Variants in NELL1 observed in about 807,000 individuals in gnomAD.
NELL1 encodes the protein neural EGFL like 1.
In NELL1, 76 loss-of-function variants were observed where a neutral mutation model predicts 107.4. The observed-to-expected ratio is 0.71, with a 90% CI of 0.59 to 0.86. The LOEUF (loss-of-function observed/expected upper bound fraction) is 0.86. Ranked by LOEUF, NELL1 falls within the 40% of genes least tolerant of loss-of-function variation. The pLI is 0.00. For synonymous variants in NELL1, 353 were observed against 341.2 expected, an observed-to-expected ratio of 1.03 and a Z score of -0.38; for missense variants, 1,024 against 1,005.5, an observed-to-expected ratio of 1.02 and a Z score of -0.25.
rs556869767 is a variant in NELL1, at chr11:20,932,069, T to C, written c.997+3590T>C. ...GGGAAGAAATTTATCTAAGCATCCA[T>C]GGCGGTACCGAAAATAGTGAGGGAG... On this transcript the variant is annotated intron_variant, in intron 9 of 19. Coordinates refer to ENST00000357134, the MANE Select transcript of NELL1 (RefSeq NM_006157.5). Among the ~76,000 whole-genome samples, 4 of 152,310 alleles carry C rather than the reference T, an allele frequency of 2.6e-5. No homozygotes were observed. The East Asian group carries it at 7.7e-4, about 29-fold the overall frequency.
At chr11:21,363,422 C>T (rs1272369212) in intron 14 of NELL1, among the ~76,000 whole-genome samples, 1 of 152,146 alleles carries the variant, frequency 6.6e-6, no homozygotes, top group Non-Finnish European at 1.5e-5. Context: ...GGTTTTTCCC[C>T]CTTTCACATT....
chr11:21,124,154 A>G (rs1855434977), intron 13 of NELL1, among the ~76,000 whole-genome samples: 1 of 152,206 alleles, frequency 6.6e-6, no homozygotes, highest in Admixed American at 6.5e-5. Context: ...AGAAAGAAAT[A>G]TAAGACAATG....
At chr11:20,804,179 T>G (rs1857335309) in intron 3 of NELL1, among the ~76,000 whole-genome samples, 1 of 152,230 alleles carries the variant, frequency 6.6e-6, no homozygotes. Context: ...ATGTAGGTTT[T>G]GGTATGCTGT....
intron 12 of NELL1, among the ~76,000 whole-genome samples, chr11:21,064,278 C>T (rs998342580): frequency 1.3e-5 from 2 of 152,032 alleles, no homozygotes; most frequent in African/African-American, 4.8e-5. Context: ...CACTAACTTC[C>T]TCTTTAATAA....
intron 14 of NELL1, among the ~76,000 whole-genome samples, chr11:21,258,286 T>C (rs773730882): frequency 3.3e-5 from 5 of 152,174 alleles, no homozygotes; most frequent in Middle Eastern, 3.4e-3. Flanking sequence ...GGATGGTGTT[T>C]GCTGAAGCAT....
At chr11:20,915,717 A>ATATATATATATATATATATATATATTT in intron 5 of NELL1, among the ~76,000 whole-genome samples, 8 of 58,214 alleles carry the variant, frequency 1.4e-4, no homozygotes, top group African/African-American at 7.1e-4. Context: ...ATATATATAT[A>ATATATATATATATATATATATATATTT]TTTTTTTTTT....
chr11:21,158,834 T>C (rs983870792), intron 13 of NELL1, among the ~76,000 whole-genome samples: 4 of 151,934 alleles, frequency 2.6e-5, no homozygotes, highest in Non-Finnish European at 5.9e-5. Flanking sequence ...CTTTCTGTTA[T>C]TTTTTTTCTC....
At chr11:21,156,784 GA>G in intron 13 of NELL1, among the ~76,000 whole-genome samples, 2 of 152,114 alleles carry the variant, frequency 1.3e-5, no homozygotes, top group Admixed American at 1.3e-4. Flanking sequence ...AAAATCATTA[GA>G]GCAGCTATTA....
intron 15 of NELL1, among the ~76,000 whole-genome samples, chr11:21,522,862 A>T (rs1188439390): frequency 1.4e-5 from 1 of 71,774 alleles, no homozygotes. Context: ...TTTTTTTGAG[A>T]CGGAGTCTCG....
intron 14 of NELL1, among the ~76,000 whole-genome samples, chr11:21,230,489 T>A (rs182243898): frequency 2.0e-4 from 30 of 152,240 alleles, no homozygotes; most frequent in Middle Eastern, 6.8e-3. Context: ...GGCACAATCA[T>A]AACGAAAAAA....
chr11:20,865,692 G>A (rs1271619754), intron 4 of NELL1, among the ~76,000 whole-genome samples: 3 of 152,170 alleles, frequency 2.0e-5, no homozygotes, highest in African/African-American at 7.2e-5. Context: ...GCCCTATTAG[G>A]TGGTTCTTTT....
chr11:21,151,445 T>G (rs1856115050), intron 13 of NELL1, among the ~76,000 whole-genome samples: 1 of 152,108 alleles, frequency 6.6e-6, no homozygotes. Context: ...TGTGTGTATT[T>G]GTGTGTGCAT....
chr11:21,326,188 C>A (rs1178248742), intron 14 of NELL1, among the ~76,000 whole-genome samples: 1 of 144,876 alleles, frequency 6.9e-6, no homozygotes, highest in Non-Finnish European at 1.5e-5. Flanking sequence ...CCACTTATTC[C>A]TTGTTCCTTT....
intron 9 of NELL1, among the ~76,000 whole-genome samples, chr11:20,936,307 C>T (rs1850723614): frequency 6.6e-6 from 1 of 152,142 alleles, no homozygotes; most frequent in South Asian, 2.1e-4. Flanking sequence ...CTTAGATCTC[C>T]ATTCAGGGGA....
intron 7 of NELL1, among the ~76,000 whole-genome samples, chr11:20,926,713 C>G (rs1428726979): frequency 1.3e-5 from 2 of 152,054 alleles, no homozygotes; most frequent in Non-Finnish European, 2.9e-5. Context: ...CTGATCTTAC[C>G]TGGGGTTTTG....
intron 13 of NELL1, among the ~76,000 whole-genome samples, chr11:21,206,151 C>A (rs1024569966): frequency 5.3e-5 from 8 of 152,068 alleles, no homozygotes; most frequent in African/African-American, 1.7e-4. Context: ...AGATCAGAAT[C>A]AAAAATTAAG....
intron 5 of NELL1, among the ~76,000 whole-genome samples, chr11:20,893,914 C>G (rs1233572880): frequency 6.7e-6 from 1 of 149,298 alleles, no homozygotes; most frequent in Non-Finnish European, 1.5e-5. Context: ...GGAGAAACTG[C>G]TGATTTCAAA....
At chr11:20,772,908 A>T (rs1487244577) in intron 2 of NELL1, among the ~76,000 whole-genome samples, 1 of 152,214 alleles carries the variant, frequency 6.6e-6, no homozygotes, top group Non-Finnish European at 1.5e-5. Flanking sequence ...CAATGCTGAC[A>T]CCACTAGGCT....
chr11:21,461,007 G>T (rs1853887582), intron 15 of NELL1, among the ~76,000 whole-genome samples: 1 of 152,032 alleles, frequency 6.6e-6, no homozygotes, highest in Non-Finnish European at 1.5e-5. Context: ...ATTTACTAGA[G>T]TCATTGGTAA....
Sources: allele counts gnomAD v4.1 joint callset (sites outside exome capture counted in the v4.1 genomes callset), GRCh38; gene constraint gnomAD v4.1.1; transcripts MANE v1.5; gene names NCBI Gene and HGNC (gene_info 2026-07-23, HGNC 2026-07-21).